Variants in MME observed in about 807,000 individuals in gnomAD.
MME encodes membrane metalloendopeptidase.
A neutral mutation model predicts 113.2 loss-of-function variants in MME; 98 were observed. The observed-to-expected ratio is 0.87, with a 90% confidence interval of 0.74 to 1.02. The LOEUF (loss-of-function observed/expected upper bound fraction) is 1.02. Ranked by LOEUF, MME falls within the 50% of genes least tolerant of loss-of-function variation. The probability of loss-of-function intolerance (pLI) is 0.00; values close to 1 mark genes in which losing one functional copy is unlikely to be tolerated. For missense variants in MME, 836 were observed against 896.0 expected, an observed-to-expected ratio of 0.93 and a Z score of 0.86; for synonymous variants, 292 against 300.6, an observed-to-expected ratio of 0.97 and a Z score of 0.30.
At chr3:155,034,837 A>G (rs1273948639) in intron 1 of MME, among the ~76,000 whole-genome samples, 1 of 152,224 alleles carries the variant, frequency 6.6e-6, no homozygotes, top group Non-Finnish European at 1.5e-5. Context: ...ATAATGAAAG[A>G]AAGTTTGAAT....
chr3:155,089,047 T>G (rs1199382054), intron 3 of MME, among the ~76,000 whole-genome samples: 1 of 152,230 alleles, frequency 6.6e-6, no homozygotes, highest in Non-Finnish European at 1.5e-5. Flanking sequence ...GCATCTAGGA[T>G]TTAAATATTT....
chr3:155,079,244 A>T (rs1262213752), upstream of MME, among the ~76,000 whole-genome samples: 4 of 152,040 alleles, frequency 2.6e-5, no homozygotes, highest in Admixed American at 2.0e-4. Flanking sequence ...CATTTAAATG[A>T]AGAAGGAAGG....
chr3:155,126,734 T>C (rs1202706122), intron 8 of MME, among the ~76,000 whole-genome samples: 1 of 152,126 alleles, frequency 6.6e-6, no homozygotes, highest in Non-Finnish European at 1.5e-5. Flanking sequence ...GCGCAGTGGC[T>C]CATGCCTGTA....
At chr3:155,056,010 A>G (rs962801189) in intron 1 of MME, among the ~76,000 whole-genome samples, 6 of 151,800 alleles carry the variant, frequency 4.0e-5, no homozygotes, top group African/African-American at 1.5e-4. Context: ...ACTTACCATC[A>G]CTCACCAACT....
chr3:155,170,003 T>C (rs992198459), intron 20 of MME, among the ~76,000 whole-genome samples: 1 of 152,080 alleles, frequency 6.6e-6, no homozygotes, highest in African/African-American at 2.4e-5. Flanking sequence ...TGCTGCTACT[T>C]TGAATGTTTA....
intron 3 of MME, among the ~76,000 whole-genome samples, chr3:155,111,289 C>A (rs1476683338): frequency 1.3e-5 from 2 of 152,076 alleles, no homozygotes; most frequent in African/African-American, 4.8e-5. Flanking sequence ...AAGTGCTAGC[C>A]CGTGACTTGC....
rs1410295199 is a variant in MME at position 155,119,544 on chromosome 3, T to C, written c.720+733T>C. ...AACTCGTCATCTAGCATTAGGTATATCTCCCAATGCTATCCCTCCCCCCTC... is the reference window on the plus strand; with the variant it reads ...AACTCGTCATCTAGCATTAGGTATACCTCCCAATGCTATCCCTCCCCCCTC... On this transcript the variant is annotated intron_variant, in intron 8 of 22. Transcript: ENST00000360490. Among the ~76,000 whole-genome samples, 6 of 129,908 alleles carry C rather than the reference T, an allele frequency of 4.6e-5. No homozygotes were observed. In the East Asian group the frequency reaches 9.7e-4, roughly 21 times the overall value. 85.2% of individuals were successfully genotyped at this position (129,908 alleles called of 152,430 possible).
chr3:155,101,451 C>A (rs1002685498), intron 3 of MME, among the ~76,000 whole-genome samples: 2 of 152,092 alleles, frequency 1.3e-5, no homozygotes, highest in African/African-American at 2.4e-5. Flanking sequence ...GGGCCAAGGT[C>A]AGTAGCTCAA....
chr3:155,164,423 A>G (rs1047745040), intron 17 of MME, among the ~76,000 whole-genome samples: 8 of 152,164 alleles, frequency 5.3e-5, no homozygotes, highest in African/African-American at 1.9e-4. Flanking sequence ...TGTGATGCCT[A>G]CTAGGTAACA....
At chr3:155,133,351 T>C (rs1013113725) in intron 8 of MME, among the ~76,000 whole-genome samples, 1 of 151,288 alleles carries the variant, frequency 6.6e-6, no homozygotes, top group Non-Finnish European at 1.5e-5. Flanking sequence ...TCCATGTAGC[T>C]ATATTAAATA....
chr3:155,053,347 G>A (rs919456032), intron 1 of MME, among the ~76,000 whole-genome samples: 1 of 152,144 alleles, frequency 6.6e-6, no homozygotes, highest in African/African-American at 2.4e-5. Flanking sequence ...AGGTTTAATT[G>A]ACACAGTTCC....
chr3:155,133,057 A>AG, intron 8 of MME, among the ~76,000 whole-genome samples: 1 of 138,102 alleles, frequency 7.2e-6, no homozygotes, highest in Non-Finnish European at 1.6e-5. Flanking sequence ...AAAAAAAAAA[A>AG]AAAAAATATA....
At chr3:155,115,272 C>T in intron 4 of MME, 117 bp downstream of exon 4, 4 of 1,299,922 alleles carry the variant, frequency 3.1e-6, no homozygotes, top group Non-Finnish European at 4.3e-6. Flanking sequence ...GTTAATAATC[C>T]TTCCAGGATT....
intron 1 of MME, among the ~76,000 whole-genome samples, chr3:155,065,162 T>G (rs1171086415): frequency 6.6e-6 from 1 of 152,188 alleles, no homozygotes; most frequent in Non-Finnish European, 1.5e-5. Flanking sequence ...TAAAGTATCC[T>G]TTGGCACTTT....
chr3:155,047,163 T>C (rs1010925679), intron 1 of MME, among the ~76,000 whole-genome samples: 2 of 152,232 alleles, frequency 1.3e-5, no homozygotes, highest in African/African-American at 4.8e-5. Context: ...ATGTATCCTA[T>C]ACAGGTATTC....
chr3:155,036,454 C>A (rs1023090459), intron 1 of MME, among the ~76,000 whole-genome samples: 5 of 152,254 alleles, frequency 3.3e-5, no homozygotes, highest in East Asian at 1.9e-4. Context: ...CTCCAGGCAA[C>A]AACTGATCTG....
At chr3:155,057,339 T>C (rs544471594) in intron 1 of MME, among the ~76,000 whole-genome samples, 1 of 151,488 alleles carries the variant, frequency 6.6e-6, no homozygotes, top group Non-Finnish European at 1.5e-5. Context: ...AAAAAACACA[T>C]GAAAAAATGC....
chr3:155,111,241 A>G (rs1481678840), intron 3 of MME, among the ~76,000 whole-genome samples: 33 of 152,214 alleles, frequency 2.2e-4, no homozygotes, highest in Admixed American at 2.1e-3. Flanking sequence ...AACCCACGAT[A>G]AGAGATTAAA....
At chr3:155,051,950 G>T (rs1285827498) in intron 1 of MME, among the ~76,000 whole-genome samples, 1 of 152,172 alleles carries the variant, frequency 6.6e-6, no homozygotes, top group African/African-American at 2.4e-5. Context: ...TACAATGATG[G>T]TTCAGGCATT....
Sources: allele counts gnomAD v4.1 joint callset (sites outside exome capture counted in the v4.1 genomes callset), GRCh38; gene constraint gnomAD v4.1.1; transcripts MANE v1.5; gene names NCBI Gene and HGNC (gene_info 2026-07-23, HGNC 2026-07-21).